Variants in NAA15 observed in about 807,000 individuals in gnomAD.
NAA15 encodes the protein N-alpha-acetyltransferase 15, NatA auxiliary subunit.
A neutral mutation model predicts 114.0 loss-of-function variants in NAA15; 34 were observed. That is an observed-to-expected ratio of 0.30 (90% CI 0.23 to 0.40). The LOEUF (loss-of-function observed/expected upper bound fraction) is 0.40. Ranked by LOEUF, NAA15 falls within the 10% of genes least tolerant of loss-of-function variation. NAA15 has a pLI of 1.00. For synonymous variants in NAA15, 340 were observed against 338.0 expected, an observed-to-expected ratio of 1.01 and a Z score of -0.06; for missense variants, 658 against 1,004.5, an observed-to-expected ratio of 0.66 and a Z score of 4.66.
chr4:139,363,173 C>T (rs1316615864), intron 14 of NAA15, among the ~76,000 whole-genome samples: 1 of 152,140 alleles, frequency 6.6e-6, no homozygotes, highest in Non-Finnish European at 1.5e-5. Context: ...AGAGCTATGA[C>T]CCTCTGGCTT....
intron 4 of NAA15, among the ~76,000 whole-genome samples, chr4:139,341,618 A>AAG (rs1747397546): frequency 6.6e-6 from 1 of 150,722 alleles, no homozygotes; most frequent in Admixed American, 6.6e-5. Flanking sequence ...AAAAAAAAAA[A>AAG]AGAAAATCAG....
chr4:139,370,861 G>C (rs1380147036), intron 15 of NAA15, among the ~76,000 whole-genome samples: 4 of 152,180 alleles, frequency 2.6e-5, no homozygotes, highest in Non-Finnish European at 4.4e-5. Context: ...AATTGAGTTT[G>C]TTATAAACTG....
rs1057361566 is a variant in NAA15, at chr4:139,306,670, A to G, written c.54+4839A>G. ...TTTAACTTATTTGGAAAATTAAGTC[A>G]TTAGAAAATTGTGGCCTTTGCCTAC... On this transcript the variant is annotated intron_variant, in intron 1 of 19. Coordinates refer to ENST00000296543, the MANE Select transcript of NAA15 (RefSeq NM_057175.5). Among the ~76,000 whole-genome samples, 3 of 151,650 alleles carry G rather than the reference A, an allele frequency of 2.0e-5. No individual in the cohort carries two copies. The South Asian group carries it at 6.2e-4, about 31-fold the overall frequency.
chr4:139,342,788 A>T (rs776514522), intron 4 of NAA15, 38 bp from the exon 5 acceptor site: 1 of 1,593,612 alleles, frequency 6.3e-7, no homozygotes, highest in South Asian at 1.1e-5. Flanking sequence ...CTGTTACTAA[A>T]AGCCTAAGAA....
chr4:139,364,460 G>A (rs548416732), intron 14 of NAA15, among the ~76,000 whole-genome samples: 372 of 152,002 alleles, frequency 2.4e-3, no homozygotes, highest in South Asian at 8.1e-3. Flanking sequence ...TAAGGTGGAG[G>A]GTGGCTTTCC....
rs190684867 is a variant in NAA15, at chr4:139,332,431, C to T, written c.55-1743C>T. Among the ~76,000 whole-genome samples, 86 of 151,740 alleles carry T rather than the reference C, an allele frequency of 5.7e-4. No individual in the cohort carries two copies. The Middle Eastern group carries it at 0.01, about 18-fold the overall frequency. ...GATGTGAGCCACCACGCCTGGCCCTCGATAGTGCCTTTTAAAAAATTTATC... is the reference window on the plus strand; with the variant it reads ...GATGTGAGCCACCACGCCTGGCCCTTGATAGTGCCTTTTAAAAAATTTATC... On this transcript the variant is annotated intron_variant, in intron 1 of 19. Coordinates refer to ENST00000296543, the MANE Select transcript of NAA15 (RefSeq NM_057175.5).
At chr4:139,345,920 C>G (rs767207062) in intron 6 of NAA15, among the ~76,000 whole-genome samples, 5 of 144,174 alleles carry the variant, frequency 3.5e-5, no homozygotes, top group Non-Finnish European at 7.6e-5. Flanking sequence ...GACTCCGTAT[C>G]AAAAAAAAAA....
At chr4:139,342,545 G>T (rs540764497) in intron 4 of NAA15, among the ~76,000 whole-genome samples, 1 of 150,384 alleles carries the variant, frequency 6.6e-6, no homozygotes, top group Non-Finnish European at 1.5e-5. Flanking sequence ...TGCCTCCCGG[G>T]TTCAAGTGAT....
At chr4:139,387,672 G>C (rs1008302479) in intron 19 of NAA15, among the ~76,000 whole-genome samples, 6 of 152,190 alleles carry the variant, frequency 3.9e-5, no homozygotes, top group African/African-American at 1.4e-4. Context: ...AGTCATCCCT[G>C]TTTAGCCTTT....
intron 1 of NAA15, among the ~76,000 whole-genome samples, chr4:139,308,803 A>T (rs143768090): frequency 6.6e-6 from 1 of 151,994 alleles, no homozygotes; most frequent in Admixed American, 6.6e-5. Context: ...TTTAGTACAG[A>T]CAGGGTTTCG....
At chr4:139,305,781 G>T (rs1387899622) in intron 1 of NAA15, among the ~76,000 whole-genome samples, 2 of 152,140 alleles carry the variant, frequency 1.3e-5, no homozygotes, top group Non-Finnish European at 2.9e-5. Context: ...TGATCCACCC[G>T]CCTTGGCCTC....
At chr4:139,324,669 C>A (rs147036248) in intron 1 of NAA15, among the ~76,000 whole-genome samples, 4 of 152,290 alleles carry the variant, frequency 2.6e-5, no homozygotes, top group Admixed American at 6.5e-5. Flanking sequence ...CAGTGGCTCA[C>A]GCCTGTAATC....
In NAA15 at chr4:139,357,635, A is replaced by G. The variant is rs565472634; in HGVS notation, c.1257+80A>G. 5.5e-6 allele frequency: 5 copies of G among 912,874 alleles called. No individual in the cohort carries two copies. The East Asian group carries it at 8.0e-5, about 15-fold the overall frequency. 56.5% of individuals were successfully genotyped at this position (912,874 alleles called of 1,614,324 possible). A position where few individuals can be genotyped will look rare whatever the true frequency, so the allele number is the denominator to read the frequency against. On this transcript the variant is annotated intron_variant, in intron 11 of 19. Transcript: ENST00000296543. ...TTTCTCTGTATTTTATAGATTCTAA[A>G]TATAGGAAAAGTGACATTTGATAAC...
Position 139,371,855 on chromosome 4 carries a change from C to A in NAA15, c.1947+1451C>A, listed in dbSNP as rs1434548305. ...TTGTCTACTTACTTTTCCCTTTATC[C>A]CATGACTTTCCTTAATGACATTTTT... On this transcript the variant is annotated intron_variant, in intron 15 of 19. Coordinates refer to ENST00000296543, the MANE Select transcript of NAA15 (RefSeq NM_057175.5). 2.6e-5 allele frequency among the ~76,000 whole-genome samples: 4 copies of A among 152,102 alleles called. 1 individual carries two copies. The highest frequency in any genetic ancestry group is 4.1e-4 in the South Asian group (2 of 4,828).
intron 4 of NAA15, 89 bp from the exon 5 acceptor site, chr4:139,342,737 T>G: frequency 1.6e-6 from 2 of 1,284,496 alleles, no homozygotes; most frequent in Non-Finnish European, 2.2e-6. Context: ...CGTGAGCCAC[T>G]GCGCCTGGCC....
At chr4:139,304,607 T>C (rs1209842519) in intron 1 of NAA15, among the ~76,000 whole-genome samples, 1 of 152,262 alleles carries the variant, frequency 6.6e-6, no homozygotes, top group Non-Finnish European at 1.5e-5. Context: ...GCAATATTAC[T>C]GTTATATAGT....
At chr4:139,385,594 G>T (rs1380121357) in intron 18 of NAA15, among the ~76,000 whole-genome samples, 2 of 152,098 alleles carry the variant, frequency 1.3e-5, no homozygotes, top group African/African-American at 4.8e-5. Context: ...TTCACAGTTT[G>T]TGAGAAATCT....
At chr4:139,376,025 G>A (rs922961010) in intron 15 of NAA15, among the ~76,000 whole-genome samples, 1 of 152,076 alleles carries the variant, frequency 6.6e-6, no homozygotes, top group Non-Finnish European at 1.5e-5. Context: ...AGTCTCCTTT[G>A]TACTTCTCCT....
Position 139,336,883 on chromosome 4 carries a change from T to G in NAA15, c.175T>G (p.Leu59Val). 1 of 1,601,542 alleles carries G rather than the reference T, an allele frequency of 6.2e-7. No individual in the cohort carries two copies. The highest frequency in any genetic ancestry group is 8.5e-7 in the Non-Finnish European group (1 of 1,173,730). ...TATGAAAGGATTAACATTGAACTGT[T>G]TGGGGAAAAAGGAAGAAGCTTATGA... is the stretch of plus-strand genomic sequence containing the variant. ...LAMKGLTLNC[L>V]GKKEEAYELV... Residue 59 changes from leucine (L) to valine (V), a missense_variant, in exon 3 of 20, where the codon TTG becomes GTG. Physicochemically the swap from Leu to Val is conservative, Grantham distance 32. Around this residue, in one of 6 missense-constraint regions of NAA15, gnomAD observed 75 missense variants for 172.3 expected, o/e 0.44. Coordinates refer to ENST00000296543, the MANE Select transcript of NAA15 (RefSeq NM_057175.5).
Sources: allele counts gnomAD v4.1 joint callset (sites outside exome capture counted in the v4.1 genomes callset), GRCh38; gene constraint gnomAD v4.1.1; regional missense constraint gnomAD v4.1.1; transcripts MANE v1.5; gene names NCBI Gene and HGNC (gene_info 2026-07-23, HGNC 2026-07-21).